IGSF21: variants seen among roughly 807,000 people sequenced by gnomAD.
IGSF21 encodes immunoglobin superfamily member 21, also known as immunoglobulin superfamily member 21.
Under a neutral mutation model 46.8 loss-of-function variants are expected in IGSF21, and 28 were observed. The observed-to-expected ratio is 0.60, with a 90% CI of 0.44 to 0.82. The LOEUF is 0.82. Ranked by LOEUF, IGSF21 falls within the 40% of genes least tolerant of loss-of-function variation. The pLI, the probability that IGSF21 is intolerant of heterozygous loss-of-function variation, is 0.00. For missense variants in IGSF21, 624 were observed against 665.5 expected (o/e 0.94, Z 0.69); for synonymous variants, 284 against 273.6 (o/e 1.04, Z -0.38).
intron 1 of IGSF21, among the ~76,000 whole-genome samples, chr1:18,209,430 A>T (rs905910417): frequency 9.3e-5 from 14 of 151,316 alleles, no homozygotes; most frequent in African/African-American, 3.4e-4. Flanking sequence ...ACCTGCATAC[A>T]GAGGGCCCGC....
At chr1:18,366,819 G>T (rs1190225539) in intron 6 of IGSF21, among the ~76,000 whole-genome samples, 1 of 152,146 alleles carries the variant, frequency 6.6e-6, no homozygotes, top group African/African-American at 2.4e-5. Flanking sequence ...CCAACCCAGG[G>T]ATCCCCAAAG....
intron 3 of IGSF21, among the ~76,000 whole-genome samples, chr1:18,309,917 AC>A (rs1421758789): frequency 3.9e-5 from 6 of 152,014 alleles, no homozygotes; most frequent in Non-Finnish European, 8.8e-5. Flanking sequence ...TCCCCCACCT[AC>A]CCAGACTGTG....
intron 1 of IGSF21, among the ~76,000 whole-genome samples, chr1:18,207,740 G>A (rs2084343833): frequency 6.6e-6 from 1 of 152,200 alleles, no homozygotes; most frequent in Non-Finnish European, 1.5e-5. Context: ...TGCAAAGGCA[G>A]GAAGAATCTG....
rs762958087 is a variant in IGSF21, at chr1:18,378,317, G to T, written c.1395G>T (p.Glu465Asp). The change falls in exon 10 of 10, where the codon GAG (glutamate) becomes GAT (aspartate). Residue 465 changes from glutamate (E) to aspartate (D), a missense_variant. By Grantham distance (45) the Glu-to-Asp change is conservative. Coordinates refer to ENST00000251296, the MANE Select transcript of IGSF21 (RefSeq NM_032880.5). ...TLVLALTVIL[E>D]LT ...TGCTCGCCCTGACAGTGATTCTGGA[G>T]CTGACGTGAAGGCACCCGCCCCGGC... The T allele has an allele frequency of 1.2e-6, 2 of 1,613,560 alleles. No homozygotes were observed. The highest frequency in any genetic ancestry group is 1.1e-5 in the South Asian group (1 of 91,016).
intron 4 of IGSF21, among the ~76,000 whole-genome samples, chr1:18,352,995 C>T (rs2085973801): frequency 6.6e-6 from 1 of 152,140 alleles, no homozygotes; most frequent in South Asian, 2.1e-4. Flanking sequence ...CACAGGAGCT[C>T]CCATGGCCGC....
intron 3 of IGSF21, among the ~76,000 whole-genome samples, chr1:18,312,926 A>G (rs992550935): frequency 6.6e-6 from 1 of 152,202 alleles, no homozygotes; most frequent in Admixed American, 6.5e-5. Flanking sequence ...ACCTTGTTGC[A>G]ACACGGACTG....
intron 1 of IGSF21, among the ~76,000 whole-genome samples, chr1:18,225,085 T>TCTCTCTCTCA: frequency 1.2e-4 from 6 of 51,614 alleles, no homozygotes; most frequent in African/African-American, 4.2e-4. Context: ...TCTCTCTCTC[T>TCTCTCTCTCA]CACACACACA....
intron 3 of IGSF21, among the ~76,000 whole-genome samples, chr1:18,332,410 C>A (rs895862518): frequency 5.3e-5 from 8 of 152,188 alleles, no homozygotes; most frequent in African/African-American, 1.9e-4. Context: ...ATAACCAACA[C>A]CTATGAGTGT....
intron 1 of IGSF21, among the ~76,000 whole-genome samples, chr1:18,116,973 G>A (rs2086194522): frequency 6.6e-6 from 1 of 152,186 alleles, no homozygotes; most frequent in Admixed American, 6.5e-5. Flanking sequence ...TGAGAAGCTG[G>A]GGAGGAGGAT....
intron 2 of IGSF21, among the ~76,000 whole-genome samples, chr1:18,245,316 T>G (rs1052318896): frequency 6.6e-6 from 1 of 152,234 alleles, no homozygotes; most frequent in Admixed American, 6.5e-5. Flanking sequence ...GTTTTTCTCC[T>G]TTAATTTACT....
chr1:18,332,033 T>C (rs2085718282), intron 3 of IGSF21, among the ~76,000 whole-genome samples: 1 of 152,170 alleles, frequency 6.6e-6, no homozygotes, highest in South Asian at 2.1e-4. Context: ...GCTGCCTTTT[T>C]CATAAAGCAG....
intron 3 of IGSF21, among the ~76,000 whole-genome samples, chr1:18,328,894 G>T (rs191111814): frequency 6.6e-6 from 1 of 152,292 alleles, no homozygotes; most frequent in African/African-American, 2.4e-5. Context: ...CTCGTGTGGG[G>T]CGTGGAGAAT....
At chr1:18,324,508 G>A (rs2085638840) in intron 3 of IGSF21, among the ~76,000 whole-genome samples, 1 of 152,196 alleles carries the variant, frequency 6.6e-6, no homozygotes, top group Non-Finnish European at 1.5e-5. Flanking sequence ...GGTCCAGGTG[G>A]CCCGGCCGCT....
chr1:18,133,878 C>T (rs1026637333), intron 1 of IGSF21, among the ~76,000 whole-genome samples: 16 of 152,214 alleles, frequency 1.1e-4, no homozygotes, highest in African/African-American at 3.9e-4. Context: ...TCATGATGAC[C>T]ACACGGGTCA....
At chr1:18,245,380 T>C (rs1362114942) in intron 2 of IGSF21, among the ~76,000 whole-genome samples, 1 of 152,220 alleles carries the variant, frequency 6.6e-6, no homozygotes, top group Non-Finnish European at 1.5e-5. Flanking sequence ...CATTGGGTTT[T>C]TGTAATTTCT....
At chr1:18,181,324 A>G (rs1420615913) in intron 1 of IGSF21, among the ~76,000 whole-genome samples, 1 of 152,254 alleles carries the variant, frequency 6.6e-6, no homozygotes, top group African/African-American at 2.4e-5. Flanking sequence ...TTGTCTAATT[A>G]TGGCTGCGAC....
At chr1:18,249,946 A>G (rs542499754) in intron 2 of IGSF21, among the ~76,000 whole-genome samples, 1 of 152,194 alleles carries the variant, frequency 6.6e-6, no homozygotes, top group East Asian at 1.9e-4. Context: ...GCCATGAGGC[A>G]GGCTGCTCCC....
At chr1:18,251,290 A>C (rs926425034) in intron 2 of IGSF21, among the ~76,000 whole-genome samples, 6 of 152,214 alleles carry the variant, frequency 3.9e-5, no homozygotes, top group Non-Finnish European at 7.3e-5. Context: ...GCTGTTGTGC[A>C]TAGACTGGAC....
Position 18,340,231 on chromosome 1 carries a change from A to C in IGSF21, c.424+5221A>C, listed in dbSNP as rs546306275. Among the ~76,000 whole-genome samples the C allele has an allele frequency of 2.8e-4, 43 of 152,144 alleles. No individual in the cohort carries two copies. In the Middle Eastern group the frequency reaches 0.014, roughly 48 times the overall value. On this transcript the variant is annotated intron_variant, in intron 4 of 9. Coordinates refer to ENST00000251296, the MANE Select transcript of IGSF21 (RefSeq NM_032880.5). ...ACAAGGAGGACAAAAAAAAAACCAA[A>C]CAAACAAAAAACTGGTCCTCACAGA...
Sources: allele counts gnomAD v4.1 joint callset (sites outside exome capture counted in the v4.1 genomes callset), GRCh38; gene constraint gnomAD v4.1.1; transcripts MANE v1.5; gene names NCBI Gene and HGNC (gene_info 2026-07-23, HGNC 2026-07-21).